Variants in PTPRJ observed in about 807,000 individuals in gnomAD.
The protein encoded by PTPRJ is protein tyrosine phosphatase receptor type J.
In PTPRJ, 129 loss-of-function variants were observed where a neutral mutation model predicts 141.3. That is an observed-to-expected ratio of 0.91 (90% CI 0.79 to 1.06). The LOEUF (loss-of-function observed/expected upper bound fraction) is 1.06, where lower values mean the gene tolerates loss of function less well. Among genes scored for constraint, PTPRJ ranks in the 50% least tolerant of loss-of-function variants. The pLI is 0.00. For synonymous variants in PTPRJ, 610 were observed against 640.5 expected (o/e 0.95, Z 0.72); for missense variants, 1,601 against 1,679.7 (o/e 0.95, Z 0.82).
Position 48,170,591 on chromosome 11 carries a change from T to C in PTPRJ, c.*3229T>C, listed in dbSNP as rs1565339308. 6.6e-6 allele frequency: 1 copy of C among 152,208 alleles called. No individual in the cohort carries two copies. Among genetic ancestry groups the C allele is most frequent in the Non-Finnish European group, 1.5e-5 (1 of 68,046 alleles). 9.4% of individuals were successfully genotyped at this position (152,208 alleles called of 1,614,324 possible). ...TAAGTCCTGGGTTTTCAGACTACTG[T>C]GTAGCAGCTGTGTGTTTAACATACT... On this transcript the variant is annotated 3_prime_UTR_variant, in exon 25 of 25. Transcript: ENST00000418331.
At chr11:48,163,364 G>C (rs1032292510) in intron 22 of PTPRJ, 94 bp from the exon 23 acceptor site, 2 of 1,227,512 alleles carry the variant, frequency 1.6e-6, no homozygotes, top group African/African-American at 3.0e-5. Flanking sequence ...TACAACTCCT[G>C]GTTAGTACTC....
chr11:47,992,371 C>T (rs954778487), intron 1 of PTPRJ, among the ~76,000 whole-genome samples: 3 of 152,100 alleles, frequency 2.0e-5, no homozygotes, highest in South Asian at 4.1e-4. Flanking sequence ...GACAGGGTTT[C>T]ACCATGTTGG....
At chr11:48,137,547 C>T (rs141208588) in intron 10 of PTPRJ, among the ~76,000 whole-genome samples, 27 of 152,274 alleles carry the variant, frequency 1.8e-4, no homozygotes, top group Non-Finnish European at 3.1e-4. Flanking sequence ...GGGATGTTTA[C>T]CTAGAGTGCT....
At chr11:48,117,506 A>G (rs919981169) in intron 3 of PTPRJ, among the ~76,000 whole-genome samples, 1 of 123,052 alleles carries the variant, frequency 8.1e-6, no homozygotes, top group African/African-American at 3.1e-5. Flanking sequence ...GCACCACTGC[A>G]CTCCAGCCTG....
intron 1 of PTPRJ, among the ~76,000 whole-genome samples, chr11:48,087,868 TAATA>T (rs1200057967): frequency 3.9e-5 from 6 of 152,222 alleles, no homozygotes; most frequent in African/African-American, 1.4e-4. Flanking sequence ...CCTCACCTGT[TAATA>T]AATAGATCCT....
In PTPRJ at chr11:48,155,967, G is replaced by A; in HGVS notation, c.3304-18G>A. On this transcript the variant is annotated intron_variant, in intron 20 of 24. Coordinates refer to ENST00000418331, the MANE Select transcript of PTPRJ (RefSeq NM_002843.4). The stretch of plus-strand genomic sequence containing the variant: ...TCTGTTTCTTTGAGGTTGACTATGT[G>A]CTGTTTCCCATTTTTAGGGCTACCA... 2 of 1,607,860 alleles carry A rather than the reference G, an allele frequency of 1.2e-6. No individual in the cohort carries two copies.
chr11:47,988,836 T>G (rs950320681), intron 1 of PTPRJ, among the ~76,000 whole-genome samples: 2 of 151,754 alleles, frequency 1.3e-5, no homozygotes, highest in African/African-American at 2.4e-5. Context: ...GAAATGAAAA[T>G]TTTTACATGT....
In PTPRJ at chr11:48,027,031, G is replaced by A. The variant is rs1256801570; in HGVS notation, c.96+46023G>A. Among the ~76,000 whole-genome samples the A allele has an allele frequency of 4.7e-5, 6 of 127,144 alleles. No homozygotes were observed. The East Asian group carries it at 9.1e-4, about 19-fold the overall frequency. 83.4% of individuals were successfully genotyped at this position (127,144 alleles called of 152,430 possible). A position where few individuals can be genotyped will look rare whatever the true frequency, so the allele number is the denominator to read the frequency against. On this transcript the variant is annotated intron_variant, in intron 1 of 24. Coordinates refer to ENST00000418331, the MANE Select transcript of PTPRJ (RefSeq NM_002843.4). ...TTTTTTTTTTTTTTTTTGAGACGGC[G>A]TCTCGCTTTGTTGCCCAGGCTGGAT...
chr11:48,163,082 C>T (rs1857826469), intron 22 of PTPRJ, among the ~76,000 whole-genome samples: 1 of 152,068 alleles, frequency 6.6e-6, no homozygotes, highest in Non-Finnish European at 1.5e-5. Flanking sequence ...GGGGCTCATG[C>T]AGCTCTAAGG....
chr11:48,110,189 C>T, intron 2 of PTPRJ, 113 bp downstream of exon 2: 2 of 1,214,570 alleles, frequency 1.6e-6, no homozygotes, highest in East Asian at 2.4e-5. Flanking sequence ...TGCTCGGTTT[C>T]CAATTTTTCT....
intron 1 of PTPRJ, among the ~76,000 whole-genome samples, chr11:48,059,475 T>A (rs564577977): frequency 6.6e-6 from 1 of 152,316 alleles, no homozygotes; most frequent in South Asian, 2.1e-4. Flanking sequence ...TGCCCCTCCC[T>A]GAATTAGAAT....
At chr11:48,039,018 C>T (rs1162064578) in intron 1 of PTPRJ, among the ~76,000 whole-genome samples, 7 of 151,128 alleles carry the variant, frequency 4.6e-5, no homozygotes, top group African/African-American at 9.7e-5. Context: ...GGTGTGGTGG[C>T]GGGTGCCTGT....
chr11:48,121,329 C>T, intron 4 of PTPRJ, 63 bp downstream of exon 4: 1 of 1,528,556 alleles, frequency 6.5e-7, no homozygotes, highest in Non-Finnish European at 8.9e-7. Flanking sequence ...ATTCTAGGGC[C>T]TTGTCCGTTC....
In PTPRJ at chr11:48,155,970, G is replaced by T. The variant is rs771284209; in HGVS notation, c.3304-15G>T. On this transcript the variant is annotated splice_polypyrimidine_tract_variant and intron_variant, in intron 20 of 24. Transcript: ENST00000418331. ...GTTTCTTTGAGGTTGACTATGTGCT[G>T]TTTCCCATTTTTAGGGCTACCACTC... The T allele has an allele frequency of 1.2e-6, 2 of 1,608,408 alleles. No individual in the cohort carries two copies. The highest frequency in any genetic ancestry group is 2.2e-5 in the East Asian group (1 of 44,846).
Position 48,123,063 on chromosome 11 carries a change from G to A in PTPRJ, c.617-550G>A, listed in dbSNP as rs936257501. Among the ~76,000 whole-genome samples, 17 of 152,310 alleles carry A rather than the reference G, an allele frequency of 1.1e-4. No homozygotes were observed. The East Asian group carries it at 1.7e-3, about 16-fold the overall frequency. On this transcript the variant is annotated intron_variant, in intron 4 of 24. Transcript: ENST00000418331. ...CTTATGTCACCATCAACCAAATAACGCGATGGGAGGAAGGTCCAGGATATA... is the reference window on the plus strand; with the variant it reads ...CTTATGTCACCATCAACCAAATAACACGATGGGAGGAAGGTCCAGGATATA...
Position 48,111,753 on chromosome 11 carries a change from T to C in PTPRJ, c.116-994T>C, listed in dbSNP as rs531133562. 5.7e-4 allele frequency among the ~76,000 whole-genome samples: 86 copies of C among 152,114 alleles called. 1 individual carries two copies. Among genetic ancestry groups the C allele is most frequent in the Admixed American group, 1.6e-3 (25 of 15,282 alleles). On this transcript the variant is annotated intron_variant, in intron 2 of 24. Transcript: ENST00000418331. Reference sequence around the variant, plus strand: ...TGGGAAGTGAGAGTTTACAGAGTCATTGGAAGGGCCGCTGTATTAGTTTGC... The same window carrying C: ...TGGGAAGTGAGAGTTTACAGAGTCACTGGAAGGGCCGCTGTATTAGTTTGC...
At chr11:48,039,610 C>T (rs758210313) in intron 1 of PTPRJ, among the ~76,000 whole-genome samples, 6 of 151,972 alleles carry the variant, frequency 3.9e-5, no homozygotes, top group Admixed American at 1.3e-4. Context: ...CCTTTCCTGT[C>T]TCTTTTCTCT....
At chr11:47,999,654 C>G (rs2134188275) in intron 1 of PTPRJ, among the ~76,000 whole-genome samples, 1 of 152,150 alleles carries the variant, frequency 6.6e-6, no homozygotes, top group Admixed American at 6.5e-5. Context: ...TTTTATTTTC[C>G]AAGCTCCTCA....
chr11:48,000,221 G>T (rs575229267), intron 1 of PTPRJ, among the ~76,000 whole-genome samples: 3 of 149,328 alleles, frequency 2.0e-5, no homozygotes, highest in Non-Finnish European at 3.0e-5. Flanking sequence ...GCTCATTGCA[G>T]CCTCAACTTC....
Sources: gnomAD v4.1 joint callset for allele counts (sites outside exome capture counted in the v4.1 genomes callset) on GRCh38, gnomAD v4.1.1 for gene constraint, MANE v1.5 for transcripts, NCBI Gene and HGNC (gene_info 2026-07-23, HGNC 2026-07-21) for gene names.